WDSUB1: variants seen among roughly 807,000 people sequenced by gnomAD.
WDSUB1 encodes the protein WD repeat, sterile alpha motif and U-box domain containing 1.
In WDSUB1, 49 loss-of-function variants were observed where a neutral mutation model predicts 53.9. The observed-to-expected ratio is 0.91, with a 90% CI of 0.72 to 1.15. The LOEUF is 1.15. WDSUB1 is among the 50% of genes most tolerant of loss of function. The pLI is 0.00. For missense variants in WDSUB1, 514 were observed against 562.0 expected, an observed-to-expected ratio of 0.91 and a Z score of 0.86; for synonymous variants, 194 against 200.6, an observed-to-expected ratio of 0.97 and a Z score of 0.28.
chr2:159,263,402 C>T (rs1318814888), intron 5 of WDSUB1, among the ~76,000 whole-genome samples: 4 of 151,988 alleles, frequency 2.6e-5, no homozygotes, highest in East Asian at 1.9e-4. Flanking sequence ...GGGAAGAGAA[C>T]GTAAGAATGA....
intron 2 of WDSUB1, among the ~76,000 whole-genome samples, chr2:159,281,178 T>G (rs932316256): frequency 2.0e-5 from 3 of 152,192 alleles, no homozygotes; most frequent in Non-Finnish European, 2.9e-5. Context: ...TTTTAATTGG[T>G]AATTACTTAA....
intron 1 of WDSUB1, among the ~76,000 whole-genome samples, chr2:159,285,979 A>G (rs760495861): frequency 1.3e-5 from 2 of 152,132 alleles, no homozygotes; most frequent in African/African-American, 2.4e-5. Flanking sequence ...TGCCGCACTC[A>G]GCTCCCTTTG....
At chr2:159,250,088 C>CAAAAAAAAAAAAAAAAAAAAAAAAAAAA (rs374038625) in intron 9 of WDSUB1, among the ~76,000 whole-genome samples, 14 of 83,538 alleles carry the variant, frequency 1.7e-4, no homozygotes, top group African/African-American at 4.6e-4. Flanking sequence ...GACTCTGCCT[C>CAAAAAAAAAAAAAAAAAAAAAAAAAAAA]AAAAAAAAAA....
intron 10 of WDSUB1, among the ~76,000 whole-genome samples, chr2:159,246,863 G>A (rs751271476): frequency 5.9e-5 from 9 of 152,146 alleles, no homozygotes; most frequent in Non-Finnish European, 1.3e-4. Flanking sequence ...CTGAGAAAAA[G>A]CAGCCAGACT....
chr2:159,271,005 A>C (rs947845753), intron 5 of WDSUB1, among the ~76,000 whole-genome samples: 6 of 152,210 alleles, frequency 3.9e-5, no homozygotes, highest in Non-Finnish European at 7.3e-5. Context: ...GGGGAAACGC[A>C]AATTAAAACC....
chr2:159,258,554 G>C (rs1041782544), intron 6 of WDSUB1, among the ~76,000 whole-genome samples: 1 of 152,140 alleles, frequency 6.6e-6, no homozygotes, highest in Admixed American at 6.5e-5. Flanking sequence ...AGCTACTTGG[G>C]AGGCTAAGGC....
intron 10 of WDSUB1, among the ~76,000 whole-genome samples, chr2:159,243,801 A>C (rs1003967342): frequency 7.9e-5 from 12 of 152,216 alleles, no homozygotes; most frequent in African/African-American, 2.9e-4. Flanking sequence ...TAACCAAAAA[A>C]ACATGTACAG....
At chr2:159,275,310 G>C (rs1469148072) in intron 4 of WDSUB1, among the ~76,000 whole-genome samples, 4 of 152,200 alleles carry the variant, frequency 2.6e-5, no homozygotes. Flanking sequence ...TTGAAATCAA[G>C]TGCAAAGTGG....
chr2:159,245,751 G>C (rs1439254257), intron 10 of WDSUB1, among the ~76,000 whole-genome samples: 4 of 152,142 alleles, frequency 2.6e-5, no homozygotes, highest in Non-Finnish European at 5.9e-5. Context: ...TGTGAAATAA[G>C]TCCTAGACCT....
intron 5 of WDSUB1, among the ~76,000 whole-genome samples, chr2:159,264,729 T>C (rs182011788): frequency 5.1e-4 from 77 of 152,202 alleles, no homozygotes; most frequent in African/African-American, 1.6e-3. Context: ...GGCAAGTGGG[T>C]TGCCGATCAA....
chr2:159,248,595 T>C, intron 9 of WDSUB1, 83 bp from the exon 10 acceptor site: 3 of 1,368,706 alleles, frequency 2.2e-6, no homozygotes, highest in Non-Finnish European at 2.9e-6. Flanking sequence ...TATTCACAAA[T>C]AGAGTTTGTT....
At position 159,235,952 on chromosome 2, in the gene WDSUB1, TTAA is replaced by T; in HGVS notation, c.*78_*80del. Reference sequence around the variant, plus strand: ...AGTTTACCTTTTTCCTGTTTTGCTTTTAATAATGTCTGATTAGTATTTACCTAT... The same window carrying T: ...AGTTTACCTTTTTCCTGTTTTGCTTTTAATGTCTGATTAGTATTTACCTAT... On this transcript the variant is annotated 3_prime_UTR_variant, in exon 11 of 11. Transcript: ENST00000359774. 7.7e-7 allele frequency: 1 copy of T among 1,292,814 alleles called. No homozygotes were observed. The highest frequency in any genetic ancestry group is 2.8e-5 in the East Asian group (1 of 36,064). The allele number at this position is 1,292,814 out of a possible 1,614,324, so 80.1% of individuals were successfully genotyped here. A position where few individuals can be genotyped will look rare whatever the true frequency, so the allele number is the denominator to read the frequency against.
intron 10 of WDSUB1, among the ~76,000 whole-genome samples, chr2:159,243,057 G>C (rs1365696232): frequency 6.8e-6 from 1 of 147,138 alleles, no homozygotes; most frequent in Non-Finnish European, 1.5e-5. Context: ...ATCATCAATA[G>C]AAAGAAATTG....
At chr2:159,252,748 C>T (rs554771718) in intron 9 of WDSUB1, among the ~76,000 whole-genome samples, 1 of 152,014 alleles carries the variant, frequency 6.6e-6, no homozygotes. Context: ...TTTCAAAACC[C>T]GAGGATACTA....
intron 10 of WDSUB1, among the ~76,000 whole-genome samples, chr2:159,246,460 T>C (rs1175614953): frequency 6.9e-6 from 1 of 144,594 alleles, no homozygotes; most frequent in Non-Finnish European, 1.5e-5. Context: ...CACAATGAGA[T>C]ACCACTTCAT....
intron 9 of WDSUB1, among the ~76,000 whole-genome samples, chr2:159,249,789 G>A (rs1472073197): frequency 2.6e-5 from 4 of 151,914 alleles, no homozygotes; most frequent in Non-Finnish European, 5.9e-5. Context: ...GGGGAGGCTG[G>A]GTACAGTGGC....
At chr2:159,272,205 C>T (rs985978418) in intron 4 of WDSUB1, among the ~76,000 whole-genome samples, 2 of 152,192 alleles carry the variant, frequency 1.3e-5, no homozygotes, top group East Asian at 3.8e-4. Flanking sequence ...GCAGAATCAC[C>T]TCAAGGTCTG....
intron 4 of WDSUB1, among the ~76,000 whole-genome samples, chr2:159,273,324 GTCC>G (rs2061478818): frequency 6.6e-6 from 1 of 152,134 alleles, no homozygotes; most frequent in Non-Finnish European, 1.5e-5. Context: ...AATAGGTTAT[GTCC>G]TCAAGTATAA....
intron 1 of WDSUB1, among the ~76,000 whole-genome samples, chr2:159,285,300 G>T (rs1324617459): frequency 6.6e-6 from 1 of 152,148 alleles, no homozygotes; most frequent in Non-Finnish European, 1.5e-5. Flanking sequence ...ACTGACGGTG[G>T]AAAACTGGTG....
Sources: gnomAD v4.1 joint callset for allele counts (sites outside exome capture counted in the v4.1 genomes callset) on GRCh38, gnomAD v4.1.1 for gene constraint, MANE v1.5 for transcripts, NCBI Gene and HGNC (gene_info 2026-07-23, HGNC 2026-07-21) for gene names.